The following AUH variants were observed in gnomAD, a reference collection of about 807,000 sequenced individuals.
AUH encodes methylglutaconyl-CoA hydratase, mitochondrial.
In AUH, 29 loss-of-function variants were observed where a neutral mutation model predicts 42.3. That is an observed-to-expected ratio of 0.69 (90% CI 0.51 to 0.93). AUH has a LOEUF of 0.93. Ranked by LOEUF, AUH falls within the 40% of genes least tolerant of loss-of-function variation. The pLI is 0.00. For missense variants in AUH, 452 were observed against 438.1 expected (o/e 1.03, Z -0.28); for synonymous variants, 174 against 166.4 (o/e 1.05, Z -0.35).
At chr9:91,289,778 T>C (rs1269463650) in intron 6 of AUH, among the ~76,000 whole-genome samples, 3 of 152,010 alleles carry the variant, frequency 2.0e-5, no homozygotes, top group Admixed American at 2.0e-4. Flanking sequence ...AAAAATCTTC[T>C]GTGGATGGAG....
chr9:91,316,169 C>T (rs946167800), intron 4 of AUH, among the ~76,000 whole-genome samples: 2 of 152,144 alleles, frequency 1.3e-5, no homozygotes, highest in Non-Finnish European at 2.9e-5. Context: ...GTCTGCAGAA[C>T]AATGTGGTTT....
chr9:91,217,196 T>C, intron 8 of AUH, 81 bp downstream of exon 8: 9 of 1,419,088 alleles, frequency 6.3e-6, no homozygotes, highest in East Asian at 2.3e-5. Flanking sequence ...TTAAAAAAAA[T>C]GTAGAAGTCT....
chr9:91,288,355 A>G (rs1826585535), intron 6 of AUH, among the ~76,000 whole-genome samples: 1 of 152,148 alleles, frequency 6.6e-6, no homozygotes, highest in African/African-American at 2.4e-5. Context: ...ACTATTTCTA[A>G]AAGAGAATTT....
chr9:91,356,213 G>GATGT, intron 1 of AUH, 58 bp from the exon 2 acceptor site: 1 of 1,368,732 alleles, frequency 7.3e-7, no homozygotes, highest in Non-Finnish European at 1.0e-6. Flanking sequence ...TCAGAGAACA[G>GATGT]ACTCTACATC....
intron 3 of AUH, among the ~76,000 whole-genome samples, chr9:91,335,385 G>A (rs1830620643): frequency 6.6e-6 from 1 of 152,122 alleles, no homozygotes; most frequent in South Asian, 2.1e-4. Flanking sequence ...TTTAATCTCT[G>A]TGGAATTTAT....
intron 6 of AUH, among the ~76,000 whole-genome samples, chr9:91,221,422 C>T (rs1827129582): frequency 6.6e-6 from 1 of 152,240 alleles, no homozygotes; most frequent in Non-Finnish European, 1.5e-5. Flanking sequence ...ACATTCAACT[C>T]CTGTTCTTTT....
At chr9:91,267,016 T>C (rs908289125) in intron 6 of AUH, among the ~76,000 whole-genome samples, 2 of 152,110 alleles carry the variant, frequency 1.3e-5, no homozygotes, top group African/African-American at 4.8e-5. Flanking sequence ...CAAAACCAGA[T>C]CTCCAGTACT....
At chr9:91,328,038 C>T (rs1179743120) in intron 3 of AUH, among the ~76,000 whole-genome samples, 3 of 152,154 alleles carry the variant, frequency 2.0e-5, no homozygotes, top group African/African-American at 4.8e-5. Context: ...GGCCAGGGGG[C>T]CCAAGCAAGG....
At chr9:91,269,717 A>T (rs1824958206) in intron 6 of AUH, among the ~76,000 whole-genome samples, 1 of 152,244 alleles carries the variant, frequency 6.6e-6, no homozygotes, top group African/African-American at 2.4e-5. Context: ...ACTACATGAT[A>T]CAAAATGCAG....
Position 91,356,253 on chromosome 9 carries a change from A to G in AUH, c.263-98T>C, listed in dbSNP as rs548668080. On this transcript the variant is annotated intron_variant, in intron 1 of 9. Coordinates refer to ENST00000375731, the MANE Select transcript of AUH (RefSeq NM_001698.3). ...ATCTAGCTAGCTTCGAACTTAACAA[A>G]TCAAAGAAATTCATGACATCACGTT... The G allele has an allele frequency of 6.5e-4, 622 of 957,520 alleles. 2 individuals are homozygous for G. Among genetic ancestry groups the G allele is most frequent in the Middle Eastern group, 4.4e-3 (17 of 3,870 alleles). The allele number at this position is 957,520 out of a possible 1,614,324, so 59.3% of individuals were successfully genotyped here. A position where few individuals can be genotyped will look rare whatever the true frequency, so the allele number is the denominator to read the frequency against.
At chr9:91,344,698 TAGAA>T (rs1490743814) in intron 3 of AUH, among the ~76,000 whole-genome samples, 1 of 152,022 alleles carries the variant, frequency 6.6e-6, no homozygotes, top group Non-Finnish European at 1.5e-5. Context: ...TTCAGGGAAA[TAGAA>T]GGAAGGAACA....
chr9:91,356,346 A>C (rs748248853), intron 1 of AUH, among the ~76,000 whole-genome samples, 191 bp from the exon 2 acceptor site: 103 of 152,188 alleles, frequency 6.8e-4, no homozygotes, highest in Non-Finnish European at 1.3e-3. Flanking sequence ...TACATCACTA[A>C]CTCAAACTAG....
intron 9 of AUH, among the ~76,000 whole-genome samples, chr9:91,215,848 C>A (rs1301203966): frequency 6.6e-6 from 1 of 152,114 alleles, no homozygotes; most frequent in East Asian, 1.9e-4. Context: ...TAAGAGTTTT[C>A]TAGATTATAT....
chr9:91,233,226 T>A (rs995715822), intron 6 of AUH, among the ~76,000 whole-genome samples: 1 of 152,172 alleles, frequency 6.6e-6, no homozygotes, highest in Non-Finnish European at 1.5e-5. Flanking sequence ...GGAAGGGCTC[T>A]GAGCAGGTGA....
chr9:91,281,352 T>C (rs1282560472), intron 6 of AUH, among the ~76,000 whole-genome samples: 10 of 152,210 alleles, frequency 6.6e-5, no homozygotes, highest in African/African-American at 1.9e-4. Context: ...TATTTTTTAA[T>C]CCTAAGATTT....
At chr9:91,281,790 C>T (rs1825983626) in intron 6 of AUH, among the ~76,000 whole-genome samples, 2 of 152,056 alleles carry the variant, frequency 1.3e-5, no homozygotes, top group South Asian at 4.1e-4. Flanking sequence ...TAAACCATAC[C>T]CCACTACTTT....
chr9:91,261,555 A>T (rs949895850), intron 6 of AUH, among the ~76,000 whole-genome samples: 1 of 152,208 alleles, frequency 6.6e-6, no homozygotes, highest in African/African-American at 2.4e-5. Context: ...CATCTTGGCA[A>T]TCACCAACCA....
intron 4 of AUH, among the ~76,000 whole-genome samples, chr9:91,304,163 G>A (rs1828033720): frequency 6.6e-6 from 1 of 152,206 alleles, no homozygotes; most frequent in Non-Finnish European, 1.5e-5. Flanking sequence ...ACTAACAGAT[G>A]AAGAGCAGCA....
intron 6 of AUH, among the ~76,000 whole-genome samples, chr9:91,245,079 G>A (rs1420879354): frequency 2.0e-5 from 3 of 152,120 alleles, no homozygotes; most frequent in African/African-American, 7.2e-5. Context: ...TAACCAGAGA[G>A]GGAAGGGATG....
Sources: allele counts gnomAD v4.1 joint callset (sites outside exome capture counted in the v4.1 genomes callset), GRCh38; gene constraint gnomAD v4.1.1; transcripts MANE v1.5; gene names NCBI Gene and HGNC (gene_info 2026-07-23, HGNC 2026-07-21).